The following ZNF208 variants were observed in gnomAD, a reference collection of about 807,000 sequenced individuals.
The protein encoded by ZNF208 is zinc finger protein 208, also known as zinc finger protein 95.
A neutral mutation model predicts 12.1 loss-of-function variants in ZNF208; 10 were observed. The observed-to-expected ratio is 0.83, with a 90% CI of 0.51 to 1.40. The LOEUF (loss-of-function observed/expected upper bound fraction) is 1.40. Among genes scored for constraint, ZNF208 ranks in the 40% most tolerant of loss-of-function variants. ZNF208 has a pLI of 0.00. For missense variants in ZNF208, 1,652 were observed against 1,485.0 expected (o/e 1.11, Z -1.85); for synonymous variants, 497 against 488.4 (o/e 1.02, Z -0.23).
chr19:22,010,175 G>T (rs1357332417), intron 1 of ZNF208, among the ~76,000 whole-genome samples: 2 of 152,062 alleles, frequency 1.3e-5, no homozygotes, highest in South Asian at 2.1e-4. Context: ...ACAGAGGGAA[G>T]ACTCCGTCTC....
chr19:22,007,813 G>A (rs1047624321), intron 1 of ZNF208, among the ~76,000 whole-genome samples: 10 of 151,252 alleles, frequency 6.6e-5, no homozygotes, highest in South Asian at 2.1e-4. Flanking sequence ...CAAACAGCAC[G>A]GTAAACATGG....
chr19:21,973,273 G>A lies in ZNF208; in HGVS notation c.1761C>T (p.Gly587=), dbSNP rs763442294. The A allele has an allele frequency of 1.2e-6, 2 of 1,611,152 alleles. No individual in the cohort carries two copies. Among genetic ancestry groups the A allele is most frequent in the African/African-American group, 2.7e-5 (2 of 74,864 alleles). Residue 587 remains glycine, a synonymous_variant, in exon 4 of 4, where the codon GGC becomes GGT. Transcript: ENST00000397126. ...VEKPYKCEEC[G]KAFNQSAILI... ...GAATTGCAGATTGGTTAAAAGCTTT[G>A]CCACATTCTTCACATTTGTAGGGTT...
At chr19:21,994,300 A>G (rs936044539) in intron 1 of ZNF208, among the ~76,000 whole-genome samples, 1 of 152,186 alleles carries the variant, frequency 6.6e-6, no homozygotes, top group Non-Finnish European at 1.5e-5. Context: ...AGATCCTATA[A>G]TACATACTTT....
intron 4 of ZNF208, among the ~76,000 whole-genome samples, chr19:21,957,591 C>T (rs1969996652): frequency 6.6e-6 from 1 of 152,150 alleles, no homozygotes; most frequent in African/African-American, 2.4e-5. Flanking sequence ...CTCAAAAATA[C>T]AGGAGTTTAA....
Position 21,987,231 on chromosome 19 carries a change from C to T in ZNF208, c.211G>A (p.Val71Met), listed in dbSNP as rs773146053. 23 of 1,611,350 alleles carry T rather than the reference C, an allele frequency of 1.4e-5. No individual in the cohort carries two copies. The highest frequency in any genetic ancestry group is 1.4e-5 in the Non-Finnish European group (17 of 1,178,904). The stretch of plus-strand genomic sequence containing the variant: ...TCTCACCTACCTGGGGATTCTTCCA[C>T]CATCTCATGTCTCTTCATATTCCAG... The part of the protein sequence containing the change: ...ESWNMKRHEM[V>M]EESPVICSHF... The change falls in exon 3 of 4, where the codon GTG becomes ATG. Residue 71 changes from valine (V) to methionine (M), a missense_variant. By Grantham distance (21) the Val-to-Met change is conservative. This residue lies in a region of ZNF208 where 410 missense variants were observed against 378.2 expected (regional missense o/e 1.08). Transcript: ENST00000397126.
At chr19:22,001,828 G>A (rs2145582631) in intron 1 of ZNF208, among the ~76,000 whole-genome samples, 1 of 141,132 alleles carries the variant, frequency 7.1e-6, no homozygotes, top group Admixed American at 7.4e-5. Context: ...GGGAGGCAGA[G>A]GTTGCAGTGA....
At chr19:21,979,851 A>G (rs982845641) in intron 3 of ZNF208, among the ~76,000 whole-genome samples, 2 of 152,246 alleles carry the variant, frequency 1.3e-5, no homozygotes, top group African/African-American at 4.8e-5. Flanking sequence ...GCAAAGACAC[A>G]TATAGGCTCA....
At chr19:21,975,213 A>T (rs116140449) in intron 3 of ZNF208, among the ~76,000 whole-genome samples, 1 of 152,130 alleles carries the variant, frequency 6.6e-6, no homozygotes. Context: ...GGCACAAAAA[A>T]TTTAATTTAT....
At chr19:21,957,155 T>C (rs35246851) in intron 4 of ZNF208, among the ~76,000 whole-genome samples, 3,271 of 152,248 alleles carry the variant, frequency 0.021, 62 homozygotes, top group Non-Finnish European at 0.031. Context: ...TTCTCCTGCC[T>C]CAGCTTCCAG....
At chr19:21,946,753 C>T (rs765527) in intron 4 of ZNF208, among the ~76,000 whole-genome samples, 118,441 of 152,020 alleles carry the variant, frequency 0.78, 46,882 homozygotes, top group African/African-American at 0.92. Flanking sequence ...AGAGACAAAC[C>T]TGAAAACATT....
At chr19:21,951,889 C>T (rs1455153372) in intron 4 of ZNF208, among the ~76,000 whole-genome samples, 5 of 152,214 alleles carry the variant, frequency 3.3e-5, no homozygotes, top group African/African-American at 1.2e-4. Context: ...ATTTCCCTAT[C>T]CTAGCCTGGA....
At chr19:21,962,990 GCTA>G (rs760532287), downstream of ZNF208, among the ~76,000 whole-genome samples, 7 of 152,056 alleles carry the variant, frequency 4.6e-5, no homozygotes, top group South Asian at 6.2e-4. Flanking sequence ...AACATCAAAT[GCTA>G]CTTTTTATTA....
chr19:21,953,079 A>C (rs1285900654), intron 4 of ZNF208, among the ~76,000 whole-genome samples: 4 of 152,262 alleles, frequency 2.6e-5, no homozygotes, highest in South Asian at 4.1e-4. Context: ...ATTGAAGATC[A>C]AATTAATGAA....
chr19:21,945,588 C>T (rs1599600261), intron 4 of ZNF208, among the ~76,000 whole-genome samples: 1 of 152,070 alleles, frequency 6.6e-6, no homozygotes, highest in East Asian at 1.9e-4. Context: ...TCACCTTCAC[C>T]ACACTATCTA....
In ZNF208 at chr19:21,971,417, T is replaced by C. The variant is rs762422202; in HGVS notation, c.3617A>G (p.Tyr1206Cys). 1.1e-5 allele frequency: 18 copies of C among 1,607,862 alleles called. No homozygotes were observed. The East Asian group carries it at 1.1e-4, about 10-fold the overall frequency. ...ATATCTAAGGGTTGAGGGCCACTTA[T>C]AGGCTTTGCCACATTCTTCACATTT... The part of the protein sequence containing the change: ...LYKCEECGKA[Y>C]KWPSTLRYHK... Residue 1206 changes from tyrosine to cysteine, a missense_variant, in exon 4 of 4, where the codon TAT becomes TGT. This residue lies in a region of ZNF208 where 1,239 missense variants were observed against 1,086.2 expected (regional missense o/e 1.14). Transcript: ENST00000397126.
In ZNF208 at chr19:21,972,371, G is replaced by A. The variant is rs1970311853; in HGVS notation, c.2663C>T (p.Pro888Leu). 1 of 1,612,136 alleles carries A rather than the reference G, an allele frequency of 6.2e-7. No individual in the cohort carries two copies. The change falls in exon 4 of 4, where the codon CCC becomes CTC. Residue 888 changes from proline (P) to leucine (L), a missense_variant. By Grantham distance (98) the Pro-to-Leu change is moderately conservative. Around this residue, in one of 3 missense-constraint regions of ZNF208, gnomAD observed 1,239 missense variants for 1,086.2 expected, o/e 1.14. Coordinates refer to ENST00000397126, the MANE Select transcript of ZNF208 (RefSeq NM_007153.3). ...TTTGCCACATTCTTCACATTTGTAG[G>A]GTTTCTCTCCAGTATGAATTTTCTT... is the stretch of plus-strand genomic sequence containing the variant. ...YHKKIHTGEK[P>L]YKCEECGKGF...
chr19:21,981,840 G>A (rs1970544295), intron 3 of ZNF208, among the ~76,000 whole-genome samples: 1 of 152,112 alleles, frequency 6.6e-6, no homozygotes, highest in Admixed American at 6.6e-5. Flanking sequence ...CTCCCTAAAT[G>A]GATAAGCAAC....
rs983627050 is a variant in ZNF208, at chr19:21,966,098, T to C, written c.*5093A>G. ...ACTGGAAAAATAGAACATGTCATTA[T>C]ACCAAAAAACATTTTATTATTTTTA... is the stretch of plus-strand genomic sequence containing the variant. On this transcript the variant is annotated 3_prime_UTR_variant, in exon 4 of 4. Coordinates refer to ENST00000397126, the MANE Select transcript of ZNF208 (RefSeq NM_007153.3). 2.6e-5 allele frequency: 4 copies of C among 152,052 alleles called. No homozygotes were observed. Among genetic ancestry groups the C allele is most frequent in the Non-Finnish European group, 5.9e-5 (4 of 67,962 alleles). 9.4% of individuals were successfully genotyped at this position (152,052 alleles called of 1,614,324 possible). A position where few individuals can be genotyped will look rare whatever the true frequency, so the allele number is the denominator to read the frequency against.
chr19:21,970,624 T>A lies in ZNF208; in HGVS notation c.*567A>T. The A allele has an allele frequency of 1.0e-6, 1 of 960,566 alleles. No homozygotes were observed. Among genetic ancestry groups the A allele is most frequent in the Non-Finnish European group, 1.6e-6 (1 of 611,718 alleles). The allele number at this position is 960,566 out of a possible 1,614,324, so 59.5% of individuals were successfully genotyped here. A position where few individuals can be genotyped will look rare whatever the true frequency, so the allele number is the denominator to read the frequency against. On this transcript the variant is annotated 3_prime_UTR_variant, in exon 4 of 4. Coordinates refer to ENST00000397126, the MANE Select transcript of ZNF208 (RefSeq NM_007153.3). ...ACATTTGTAGGGCTTCTCACCAGTA[T>A]GAATTCTCTTATGTTCCATAAGGTT...
Sources: allele counts gnomAD v4.1 joint callset (sites outside exome capture counted in the v4.1 genomes callset), GRCh38; gene constraint gnomAD v4.1.1; regional missense constraint gnomAD v4.1.1; transcripts MANE v1.5; gene names NCBI Gene and HGNC (gene_info 2026-07-23, HGNC 2026-07-21).